Variants in HACE1 observed in about 807,000 individuals in gnomAD.
HACE1 encodes E3 ubiquitin-protein ligase HACE1.
Under a neutral mutation model 118.4 loss-of-function variants are expected in HACE1, and 73 were observed. That is an observed-to-expected ratio of 0.62 (90% confidence interval 0.51 to 0.75). The LOEUF (loss-of-function observed/expected upper bound fraction) is 0.75, where lower values mean the gene tolerates loss of function less well. Among genes scored for constraint, HACE1 ranks in the 30% least tolerant of loss-of-function variants. The pLI is 0.00. For missense variants in HACE1, 749 were observed against 1,102.2 expected (o/e 0.68, Z 4.54); for synonymous variants, 368 against 374.8 (o/e 0.98, Z 0.21).
chr6:104,811,157 CAA>C, intron 7 of HACE1, among the ~76,000 whole-genome samples, 152 bp downstream of exon 7: 1 of 148,278 alleles, frequency 6.7e-6, no homozygotes, highest in Non-Finnish European at 1.5e-5. Flanking sequence ...TGTGGGAAAA[CAA>C]GAGAGCTTTA....
chr6:104,743,093 A>G (rs1014523042), intron 22 of HACE1, among the ~76,000 whole-genome samples: 6 of 148,292 alleles, frequency 4.0e-5, no homozygotes, highest in East Asian at 2.0e-4. Flanking sequence ...ATTCTCATTC[A>G]TAGGTGGGAA....
chr6:104,836,907 T>C (rs970239552), intron 5 of HACE1, among the ~76,000 whole-genome samples: 1 of 152,146 alleles, frequency 6.6e-6, no homozygotes, highest in East Asian at 1.9e-4. Flanking sequence ...TTTATAATTA[T>C]GCCAAAGAAA....
intron 19 of HACE1, chr6:104,766,800 T>C (rs539605601): frequency 6.6e-6 from 1 of 152,318 alleles, no homozygotes; most frequent in Admixed American, 6.5e-5. Flanking sequence ...AAATGCAGTG[T>C]TGTAGTTACA....
At chr6:104,730,225 A>G in intron 23 of HACE1, 78 bp downstream of exon 23, 1 of 792,176 alleles carries the variant, frequency 1.3e-6, no homozygotes, top group Non-Finnish European at 2.2e-6. Flanking sequence ...CTCCCAATGC[A>G]GCAACAGTTA....
At chr6:104,805,219 G>A (rs1412480627) in intron 7 of HACE1, among the ~76,000 whole-genome samples, 1 of 152,186 alleles carries the variant, frequency 6.6e-6, no homozygotes, top group Non-Finnish European at 1.5e-5. Context: ...GTGCTGGAGA[G>A]GATGTGGAGA....
Position 104,744,586 on chromosome 6 carries a change from C to G in HACE1, c.2368G>C (p.Glu790Gln). ...TTTATCCAATCACTCACATCAATTT[C>G]TGGCATGCCAGAAAGCAGTAGCTCC... is the stretch of plus-strand genomic sequence containing the variant. The part of the protein sequence containing the change: ...ELELLLSGMP[E>Q]IDVSDWIKNT... Residue 790 changes from glutamate (E) to glutamine (Q), a missense_variant, in exon 21 of 24, where the codon GAA becomes CAA. By Grantham distance (29) the Glu-to-Gln change is conservative. Transcript: ENST00000262903. 6.2e-7 allele frequency: 1 copy of G among 1,601,204 alleles called. No individual in the cohort carries two copies. Among genetic ancestry groups the G allele is most frequent in the Non-Finnish European group, 8.6e-7 (1 of 1,168,490 alleles).
At chr6:104,822,380 C>T (rs567749714) in intron 6 of HACE1, among the ~76,000 whole-genome samples, 38 of 137,710 alleles carry the variant, frequency 2.8e-4, no homozygotes, top group Admixed American at 4.4e-4. Flanking sequence ...AGGACTCCAT[C>T]TCAGAAAAAA....
intron 6 of HACE1, among the ~76,000 whole-genome samples, chr6:104,831,842 G>A (rs748925813): frequency 4.0e-5 from 6 of 151,424 alleles, no homozygotes; most frequent in Non-Finnish European, 8.8e-5. Context: ...GCAGTGAGCC[G>A]AGATGGCGCC....
At chr6:104,740,263 A>G (rs1490288339) in intron 22 of HACE1, among the ~76,000 whole-genome samples, 3 of 147,066 alleles carry the variant, frequency 2.0e-5, no homozygotes, top group Admixed American at 6.8e-5. Context: ...AAGAACTAGA[A>G]AAGCAAGAGC....
rs117087313 is a variant in HACE1, at chr6:104,794,679, G to A, written c.923+900C>T. On this transcript the variant is annotated intron_variant, in intron 10 of 23. Coordinates refer to ENST00000262903, the MANE Select transcript of HACE1 (RefSeq NM_020771.4). ...AGCACTTTGGGAGGCCGAGATGAGCGGATTGCCAGAGCTCAGGAGTTCAAG... is the reference window on the plus strand; with the variant it reads ...AGCACTTTGGGAGGCCGAGATGAGCAGATTGCCAGAGCTCAGGAGTTCAAG... Among the ~76,000 whole-genome samples, 864 of 152,300 alleles carry A rather than the reference G, an allele frequency of 5.7e-3. 10 individuals carry two copies. Among genetic ancestry groups the A allele is most frequent in the Non-Finnish European group, 0.01 (693 of 68,030 alleles).
intron 6 of HACE1, among the ~76,000 whole-genome samples, chr6:104,829,742 C>T (rs1352362582): frequency 1.3e-5 from 2 of 152,136 alleles, no homozygotes; most frequent in South Asian, 4.1e-4. Context: ...TGTACCCCTC[C>T]TCCTCTACTC....
intron 7 of HACE1, among the ~76,000 whole-genome samples, chr6:104,801,235 G>A (rs1280023803): frequency 6.6e-6 from 1 of 152,182 alleles, no homozygotes; most frequent in Non-Finnish European, 1.5e-5. Flanking sequence ...ACCAATCTAT[G>A]TTTGATTGGT....
chr6:104,772,987 T>G (rs938251068), intron 17 of HACE1, among the ~76,000 whole-genome samples: 1 of 151,912 alleles, frequency 6.6e-6, no homozygotes, highest in African/African-American at 2.4e-5. Flanking sequence ...TTGTACACTT[T>G]CAATAATATA....
chr6:104,740,127 A>C (rs1776469433), intron 22 of HACE1, among the ~76,000 whole-genome samples: 1 of 149,106 alleles, frequency 6.7e-6, no homozygotes, highest in South Asian at 2.1e-4. Flanking sequence ...AATGAGAACA[A>C]CGACACAACA....
chr6:104,747,214 A>G (rs1328492586), intron 20 of HACE1, among the ~76,000 whole-genome samples: 2 of 152,202 alleles, frequency 1.3e-5, no homozygotes, highest in Non-Finnish European at 2.9e-5. Context: ...TAGAAACTGA[A>G]TCATGAAAGT....
intron 6 of HACE1, among the ~76,000 whole-genome samples, chr6:104,822,203 T>TAAAAAAAAA (rs58454908): frequency 9.7e-6 from 1 of 102,978 alleles, no homozygotes; most frequent in Non-Finnish European, 1.8e-5. Context: ...CCGTCTCTAC[T>TAAAAAAAAA]AAAAAAAAAA....
chr6:104,855,784 G>C (rs1376386299), intron 1 of HACE1, among the ~76,000 whole-genome samples: 4 of 151,992 alleles, frequency 2.6e-5, no homozygotes, highest in Non-Finnish European at 4.4e-5. Context: ...CCATAATAAA[G>C]TCATAAAAAA....
At chr6:104,790,216 C>T (rs1782880751) in intron 11 of HACE1, among the ~76,000 whole-genome samples, 1 of 152,138 alleles carries the variant, frequency 6.6e-6, no homozygotes, top group East Asian at 1.9e-4. Context: ...TAAAAGACTA[C>T]CATATCTATT....
chr6:104,797,119 C>A, intron 7 of HACE1, 94 bp from the exon 8 acceptor site: 1 of 760,742 alleles, frequency 1.3e-6, no homozygotes, highest in Non-Finnish European at 2.4e-6. Flanking sequence ...GGAAGAGTAT[C>A]ACTTTTAAAA....
Sources: gnomAD v4.1 joint callset for allele counts (sites outside exome capture counted in the v4.1 genomes callset) on GRCh38, gnomAD v4.1.1 for gene constraint, MANE v1.5 for transcripts, NCBI Gene and HGNC (gene_info 2026-07-23, HGNC 2026-07-21) for gene names.